The following LAMA2 variants were observed in gnomAD, a reference collection of about 807,000 sequenced individuals.
The protein encoded by LAMA2 is laminin subunit alpha-2.
Under a neutral mutation model 364.8 loss-of-function variants are expected in LAMA2, and 269 were observed. The observed-to-expected ratio is 0.74, with a 90% confidence interval of 0.67 to 0.82. The LOEUF is 0.82. Ranked by LOEUF, LAMA2 falls within the 40% of genes least tolerant of loss-of-function variation. LAMA2 has a pLI of 0.00. For missense variants in LAMA2, 3,807 were observed against 3,873.2 expected (o/e 0.98, Z 0.45); for synonymous variants, 1,379 against 1,370.6 (o/e 1.01, Z -0.14).
intron 1 of LAMA2, among the ~76,000 whole-genome samples, chr6:128,920,189 G>T (rs1778602866): frequency 6.8e-6 from 1 of 146,508 alleles, no homozygotes; most frequent in South Asian, 2.1e-4. Context: ...ACGGAGTCCT[G>T]CTCTGTCACC....
At chr6:129,242,331 A>G (rs1785446311) in intron 12 of LAMA2, among the ~76,000 whole-genome samples, 1 of 152,200 alleles carries the variant, frequency 6.6e-6, no homozygotes. Context: ...TCTTTGTTAC[A>G]TAAATTTTCC....
chr6:129,229,038 G>A (rs1784509023), intron 12 of LAMA2, among the ~76,000 whole-genome samples: 1 of 152,178 alleles, frequency 6.6e-6, no homozygotes, highest in Admixed American at 6.5e-5. Context: ...TATACTTGAT[G>A]ATTTGATTGG....
At chr6:129,480,461 A>G (rs969949351) in intron 54 of LAMA2, among the ~76,000 whole-genome samples, 7 of 152,190 alleles carry the variant, frequency 4.6e-5, no homozygotes, top group African/African-American at 1.7e-4. Context: ...CACATATGTA[A>G]GAAAAAAAAG....
chr6:129,469,970 T>C (rs887139095), intron 51 of LAMA2, among the ~76,000 whole-genome samples: 1 of 151,816 alleles, frequency 6.6e-6, no homozygotes, highest in African/African-American at 2.4e-5. Context: ...AAAGGAGGGA[T>C]TACAAATGAG....
rs1775916031 is a variant in LAMA2 at position 128,883,301 on chromosome 6, G to A, written c.56G>A (p.Gly19Asp). Residue 19 changes from glycine (G) to aspartate (D), a missense_variant, in exon 1 of 65, where the codon GGC (glycine) becomes GAC (aspartate). Transcript: ENST00000421865. The stretch of plus-strand genomic sequence containing the variant: ...CTGCTGCTCTCCGGAGGCCTCGGGG[G>A]CGTACAGGCGCAGCGGCCGCAGCAG... ...LLLLLSGGLGGVQAQRPQQQR... is the reference protein window; with the variant it reads ...LLLLLSGGLGDVQAQRPQQQR... 1.9e-6 allele frequency: 3 copies of A among 1,591,824 alleles called. No individual in the cohort carries two copies. The highest frequency in any genetic ancestry group is 1.3e-5 in the African/African-American group (1 of 74,634).
At chr6:129,429,534 A>G (rs1781486403) in intron 41 of LAMA2, among the ~76,000 whole-genome samples, 1 of 152,146 alleles carries the variant, frequency 6.6e-6, no homozygotes, top group African/African-American at 2.4e-5. Flanking sequence ...TTATAAGTAA[A>G]ATTTTAATAG....
chr6:129,164,458 C>A (rs1041483776), intron 8 of LAMA2, among the ~76,000 whole-genome samples: 2 of 152,204 alleles, frequency 1.3e-5, no homozygotes, highest in Non-Finnish European at 2.9e-5. Context: ...ATCATCTCTA[C>A]AGGACATTTC....
At chr6:128,934,431 A>T (rs757100393) in intron 1 of LAMA2, among the ~76,000 whole-genome samples, 33 of 152,098 alleles carry the variant, frequency 2.2e-4, no homozygotes, top group Non-Finnish European at 3.7e-4. Context: ...TTGTGATTTC[A>T]TATGAATTTT....
chr6:129,434,031 T>C (rs921680268), intron 41 of LAMA2, among the ~76,000 whole-genome samples: 1 of 152,212 alleles, frequency 6.6e-6, no homozygotes, highest in African/African-American at 2.4e-5. Context: ...GTGATTTCAT[T>C]GTACCAGACT....
intron 1 of LAMA2, among the ~76,000 whole-genome samples, chr6:128,957,005 A>G (rs1158737478): frequency 1.3e-5 from 2 of 152,266 alleles, no homozygotes; most frequent in East Asian, 1.9e-4. Flanking sequence ...CATCCAGAAG[A>G]TGATAATGTT....
Position 128,884,378 on chromosome 6 carries a change from A to T in LAMA2, c.112+1021A>T, listed in dbSNP as rs1373738271. 2.0e-5 allele frequency among the ~76,000 whole-genome samples: 3 copies of T among 152,342 alleles called. No individual in the cohort carries two copies. The South Asian group carries it at 6.2e-4, about 32-fold the overall frequency. ...ATGAAAATGTTTAACCTAAGAGTAC[A>T]AAATCTGTAGGTTAGAAGCTTTTAA... On this transcript the variant is annotated intron_variant, in intron 1 of 64. Coordinates refer to ENST00000421865, the MANE Select transcript of LAMA2 (RefSeq NM_000426.4).
chr6:129,454,056 A>G, intron 46 of LAMA2, 99 bp from the exon 47 acceptor site: 1 of 863,668 alleles, frequency 1.2e-6, no homozygotes, highest in Non-Finnish European at 2.0e-6. Flanking sequence ...ATCATTTCAC[A>G]TGTCTGCAAA....
At chr6:129,330,074 C>T (rs968583968) in intron 29 of LAMA2, among the ~76,000 whole-genome samples, 1 of 151,494 alleles carries the variant, frequency 6.6e-6, no homozygotes, top group Non-Finnish European at 1.5e-5. Context: ...CTCCCATCAC[C>T]CCAAGATGGG....
At chr6:128,944,818 G>A (rs1780393606) in intron 1 of LAMA2, among the ~76,000 whole-genome samples, 1 of 152,056 alleles carries the variant, frequency 6.6e-6, no homozygotes, top group Non-Finnish European at 1.5e-5. Flanking sequence ...GAGAGAGTGG[G>A]AAGGTGCTAC....
intron 4 of LAMA2, among the ~76,000 whole-genome samples, chr6:129,137,485 T>G (rs1456372263): frequency 6.6e-6 from 1 of 152,084 alleles, no homozygotes; most frequent in Non-Finnish European, 1.5e-5. Flanking sequence ...CCTTCATTGA[T>G]TTACCTAAAC....
intron 4 of LAMA2, among the ~76,000 whole-genome samples, chr6:129,137,123 G>C (rs1777840868): frequency 6.6e-6 from 1 of 152,046 alleles, no homozygotes; most frequent in African/African-American, 2.4e-5. Context: ...CTTGGAAGAG[G>C]TAAGTTAAAG....
intron 1 of LAMA2, among the ~76,000 whole-genome samples, chr6:128,988,503 G>A (rs988874402): frequency 6.6e-6 from 1 of 152,156 alleles, no homozygotes; most frequent in Non-Finnish European, 1.5e-5. Flanking sequence ...ACCAGCATAA[G>A]ATGCACTGAA....
intron 10 of LAMA2, 40 bp downstream of exon 10, chr6:129,177,906 G>C (rs1190048862): frequency 6.3e-7 from 1 of 1,594,072 alleles, no homozygotes; most frequent in African/African-American, 1.3e-5. Context: ...TGTCAAGACA[G>C]AAGGTTATTT....
chr6:129,493,942 A>G (rs1222722556), intron 58 of LAMA2, among the ~76,000 whole-genome samples: 3 of 152,194 alleles, frequency 2.0e-5, no homozygotes, highest in Non-Finnish European at 4.4e-5. Flanking sequence ...ATTAGAAACT[A>G]TACTCTGATG....
Sources: allele counts gnomAD v4.1 joint callset (sites outside exome capture counted in the v4.1 genomes callset), GRCh38; gene constraint gnomAD v4.1.1; transcripts MANE v1.5; gene names NCBI Gene and HGNC (gene_info 2026-07-23, HGNC 2026-07-21).